SLC25A21: variants seen among roughly 807,000 people sequenced by gnomAD.
The protein encoded by SLC25A21 is solute carrier family 25 member 21.
In SLC25A21, 47 loss-of-function variants were observed where a neutral mutation model predicts 43.8. That is an observed-to-expected ratio of 1.07 (90% CI 0.85 to 1.37). The LOEUF (loss-of-function observed/expected upper bound fraction) is 1.37. Ranked by LOEUF, SLC25A21 falls within the 40% of genes most tolerant of loss-of-function variation. The probability of loss-of-function intolerance (pLI) is 0.00; values close to 1 mark genes in which losing one functional copy is unlikely to be tolerated. For synonymous variants in SLC25A21, 131 were observed against 121.3 expected (o/e 1.08, Z -0.52); for missense variants, 352 against 350.2 (o/e 1.00, Z -0.04).
At chr14:37,154,109 C>T (rs1368991853) in intron 1 of SLC25A21, among the ~76,000 whole-genome samples, 1 of 152,108 alleles carries the variant, frequency 6.6e-6, no homozygotes, top group Admixed American at 6.6e-5. Context: ...TGGCAGCATA[C>T]GTCACCCTGG....
intron 1 of SLC25A21, among the ~76,000 whole-genome samples, chr14:37,101,667 T>C (rs1962819463): frequency 6.6e-6 from 1 of 152,202 alleles, no homozygotes; most frequent in African/African-American, 2.4e-5. Flanking sequence ...GCAAATATTT[T>C]TAAGTGAAAT....
chr14:36,787,090 T>C (rs940475466), intron 3 of SLC25A21, among the ~76,000 whole-genome samples: 7 of 152,232 alleles, frequency 4.6e-5, no homozygotes, highest in African/African-American at 1.7e-4. Flanking sequence ...TTAACATTTT[T>C]GCAGTGGCCC....
chr14:36,729,591 G>A (rs1003897835), intron 4 of SLC25A21, 25 bp from the exon 5 acceptor site: 1 of 1,587,162 alleles, frequency 6.3e-7, no homozygotes, highest in Admixed American at 1.8e-5. Context: ...CAAACTCACA[G>A]ATTTATAACA....
At position 36,840,546 on chromosome 14, in the gene SLC25A21, G is replaced by C. The variant is rs2138497542; in HGVS notation, c.120-26545C>G. Among the ~76,000 whole-genome samples the C allele has an allele frequency of 2.0e-5, 3 of 152,324 alleles. No individual in the cohort carries two copies. The East Asian group carries it at 5.8e-4, about 29-fold the overall frequency. On this transcript the variant is annotated intron_variant, in intron 2 of 9. Coordinates refer to ENST00000331299, the MANE Select transcript of SLC25A21 (RefSeq NM_030631.4). ...CTTACTAGTCTCACTAATGAGAGCA[G>C]AAGAATCAGTTTGTTTTGGACAGAC...
intron 9 of SLC25A21, 28 bp from the exon 10 acceptor site, chr14:36,680,747 T>C (rs866616368): frequency 7.5e-6 from 12 of 1,603,224 alleles, no homozygotes; most frequent in Non-Finnish European, 8.5e-6. Flanking sequence ...TGTTTTTTAT[T>C]GCAAATCCTC....
In SLC25A21 at chr14:36,861,254, T is replaced by C. The variant is rs548648637; in HGVS notation, c.119+13702A>G. Among the ~76,000 whole-genome samples the C allele has an allele frequency of 5.9e-5, 9 of 152,322 alleles. No homozygotes were observed. In the South Asian group the frequency reaches 1.9e-3, roughly 32 times the overall value. On this transcript the variant is annotated intron_variant, in intron 2 of 9. Coordinates refer to ENST00000331299, the MANE Select transcript of SLC25A21 (RefSeq NM_030631.4). ...ATTATATTATCAGCCTCAAATTTGT[T>C]TGTCTAAAGAAACTTATGATTTTAC...
chr14:36,709,017 T>G (rs200758041), intron 7 of SLC25A21, among the ~76,000 whole-genome samples: 8 of 145,148 alleles, frequency 5.5e-5, no homozygotes, highest in African/African-American at 7.7e-5. Context: ...TTTTTTTTTT[T>G]GTTTTTTTGA....
intron 1 of SLC25A21, among the ~76,000 whole-genome samples, chr14:37,129,240 A>G (rs973195149): frequency 5.3e-5 from 8 of 152,212 alleles, no homozygotes; most frequent in Non-Finnish European, 5.9e-5. Context: ...TATACTCCAC[A>G]GTCTCATAAA....
intron 1 of SLC25A21, among the ~76,000 whole-genome samples, chr14:36,917,617 C>A (rs1194248881): frequency 6.6e-6 from 1 of 151,996 alleles, no homozygotes; most frequent in Non-Finnish European, 1.5e-5. Flanking sequence ...AACAATTGAG[C>A]CACGAAAGAT....
chr14:37,148,607 G>C (rs1963707671), intron 1 of SLC25A21, among the ~76,000 whole-genome samples: 1 of 152,160 alleles, frequency 6.6e-6, no homozygotes, highest in Non-Finnish European at 1.5e-5. Flanking sequence ...GGATATATAA[G>C]CAAAACAGGT....
intron 1 of SLC25A21, among the ~76,000 whole-genome samples, chr14:36,968,815 G>A (rs1959679784): frequency 6.6e-6 from 1 of 152,156 alleles, no homozygotes; most frequent in Non-Finnish European, 1.5e-5. Context: ...GCCATAAAGT[G>A]TATTCTTTCC....
chr14:36,741,793 G>A (rs1239372300), intron 3 of SLC25A21, among the ~76,000 whole-genome samples: 1 of 152,208 alleles, frequency 6.6e-6, no homozygotes, highest in South Asian at 2.1e-4. Flanking sequence ...ACTCACCAGT[G>A]AAGCATGAAA....
intron 1 of SLC25A21, among the ~76,000 whole-genome samples, chr14:37,105,040 C>A (rs1276884104): frequency 6.6e-6 from 1 of 152,138 alleles, no homozygotes; most frequent in Non-Finnish European, 1.5e-5. Context: ...ACTTATTTTT[C>A]TTTATGTTTT....
intron 3 of SLC25A21, among the ~76,000 whole-genome samples, chr14:36,761,585 A>T (rs2139279255): frequency 6.6e-6 from 1 of 152,366 alleles, no homozygotes. Context: ...ACAAGCCAGT[A>T]ATCTTAACTG....
At chr14:36,914,403 A>G (rs1035375992) in intron 1 of SLC25A21, among the ~76,000 whole-genome samples, 1 of 152,200 alleles carries the variant, frequency 6.6e-6, no homozygotes, top group African/African-American at 2.4e-5. Context: ...ACAGAAAAGG[A>G]TGATTAATAT....
intron 1 of SLC25A21, among the ~76,000 whole-genome samples, chr14:37,049,388 ACATGGTGAGACCC>A (rs1379318399): frequency 6.6e-6 from 1 of 152,144 alleles, no homozygotes; most frequent in Non-Finnish European, 1.5e-5. Context: ...AGCCTGGGCA[ACATGGTGAGACCC>A]CATCTCTACA....
At chr14:36,962,611 A>C (rs779436210) in intron 1 of SLC25A21, among the ~76,000 whole-genome samples, 2 of 152,144 alleles carry the variant, frequency 1.3e-5, no homozygotes, top group Non-Finnish European at 2.9e-5. Context: ...CGCTTAGCAT[A>C]ATGTCCTATA....
At chr14:37,085,915 C>G (rs1042054691) in intron 1 of SLC25A21, among the ~76,000 whole-genome samples, 1 of 152,110 alleles carries the variant, frequency 6.6e-6, no homozygotes, top group Non-Finnish European at 1.5e-5. Context: ...ACCATCCTGG[C>G]TAACACGGTG....
Position 37,052,292 on chromosome 14 carries a change from G to A in SLC25A21, c.70+119989C>T, listed in dbSNP as rs145449694. On this transcript the variant is annotated intron_variant, in intron 1 of 9. Coordinates refer to ENST00000331299, the MANE Select transcript of SLC25A21 (RefSeq NM_030631.4). Reference sequence around the variant, plus strand: ...GACAGTTATAGAAGATTGAAAAATCGATAGTATAAACTTTAGGCCTGTAGG... The same window carrying A: ...GACAGTTATAGAAGATTGAAAAATCAATAGTATAAACTTTAGGCCTGTAGG... 5.5e-3 allele frequency among the ~76,000 whole-genome samples: 841 copies of A among 152,178 alleles called. 7 individuals are homozygous for A. The highest frequency in any genetic ancestry group is 0.014 in the African/African-American group (597 of 41,516).
Sources: gnomAD v4.1 joint callset for allele counts (sites outside exome capture counted in the v4.1 genomes callset) on GRCh38, gnomAD v4.1.1 for gene constraint, MANE v1.5 for transcripts, NCBI Gene and HGNC (gene_info 2026-07-23, HGNC 2026-07-21) for gene names.